LRRC36: variants seen among roughly 807,000 people sequenced by gnomAD.
LRRC36 encodes leucine-rich repeat-containing protein 36.
In LRRC36, 62 loss-of-function variants were observed where a neutral mutation model predicts 81.1. The observed-to-expected ratio is 0.76, with a 90% CI of 0.62 to 0.94. The LOEUF is 0.94. LRRC36 is among the 40% of genes least tolerant of loss of function. The pLI, the probability that LRRC36 is intolerant of heterozygous loss-of-function variation, is 0.00. For synonymous variants in LRRC36, 334 were observed against 348.6 expected (o/e 0.96, Z 0.47); for missense variants, 761 against 881.7 (o/e 0.86, Z 1.73).
At chr16:67,383,522 A>G (rs1269942939) in intron 13 of LRRC36, among the ~76,000 whole-genome samples, 1 of 152,238 alleles carries the variant, frequency 6.6e-6, no homozygotes, top group Non-Finnish European at 1.5e-5. Flanking sequence ...CTGCATTTCT[A>G]ATTAGCTTCT....
chr16:67,347,706 C>G (rs1286701192), intron 4 of LRRC36, 115 bp downstream of exon 4: 3 of 720,226 alleles, frequency 4.2e-6, no homozygotes, highest in Non-Finnish European at 6.9e-6. Flanking sequence ...TGTAAGAATC[C>G]TCAGATCAGG....
intron 1 of LRRC36, among the ~76,000 whole-genome samples, chr16:67,332,279 C>T: frequency 6.6e-6 from 1 of 151,708 alleles, no homozygotes; most frequent in South Asian, 2.1e-4. Context: ...AACGGCCAGG[C>T]GCGGTGGCTT....
intron 5 of LRRC36, 29 bp downstream of exon 5, chr16:67,350,319 G>A: frequency 6.5e-7 from 1 of 1,535,864 alleles, no homozygotes; most frequent in South Asian, 1.1e-5. Flanking sequence ...ATTATAAAAT[G>A]ATTAAAACAT....
intron 9 of LRRC36, 120 bp from the exon 10 acceptor site, chr16:67,375,127 C>CAA: frequency 8.9e-7 from 1 of 1,127,428 alleles, no homozygotes; most frequent in Non-Finnish European, 1.3e-6. Flanking sequence ...ACTCCGTCTC[C>CAA]AAAAAAAAAT....
chr16:67,371,438 T>C, intron 9 of LRRC36, 196 bp downstream of exon 9: 1 of 622,486 alleles, frequency 1.6e-6, no homozygotes, highest in African/African-American at 1.8e-5. Flanking sequence ...CCCCCACTGC[T>C]GCCATTTTCT....
At position 67,340,820 on chromosome 16, in the gene LRRC36, C is replaced by T. The variant is rs868139893; in HGVS notation, c.71-1137C>T. ...CACATATACTCTATAGAATATATAC[C>T]ACATATACTCTATAGAATATATACC... On this transcript the variant is annotated intron_variant, in intron 1 of 13. Transcript: ENST00000329956. Among the ~76,000 whole-genome samples the T allele has an allele frequency of 1.2e-3, 124 of 102,738 alleles. 30 individuals carry two copies. Among genetic ancestry groups the T allele is most frequent in the African/African-American group, 7.6e-3 (124 of 16,226 alleles). 67.4% of individuals were successfully genotyped at this position (102,738 alleles called of 152,430 possible).
intron 5 of LRRC36, among the ~76,000 whole-genome samples, chr16:67,361,095 G>A (rs973823354): frequency 6.6e-6 from 1 of 152,078 alleles, no homozygotes; most frequent in African/African-American, 2.4e-5. Flanking sequence ...CTGGAGTGCA[G>A]TGGCACAATC....
intron 9 of LRRC36, chr16:67,371,811 G>T (rs2039656589): frequency 6.2e-6 from 1 of 161,034 alleles, no homozygotes; most frequent in Non-Finnish European, 1.4e-5. Flanking sequence ...AGGAGGTGGA[G>T]GTTGCAGTGA....
At chr16:67,353,443 G>A (rs1349288111) in intron 5 of LRRC36, among the ~76,000 whole-genome samples, 1 of 152,118 alleles carries the variant, frequency 6.6e-6, no homozygotes, top group African/African-American at 2.4e-5. Context: ...CTGGAGTACA[G>A]TGGCGAGATC....
chr16:67,361,548 A>G (rs969778563), intron 5 of LRRC36, among the ~76,000 whole-genome samples: 1 of 152,162 alleles, frequency 6.6e-6, no homozygotes, highest in African/African-American at 2.4e-5. Flanking sequence ...AGAATTTGAA[A>G]GGTGAACTGC....
intron 1 of LRRC36, 185 bp downstream of exon 1, chr16:67,327,117 T>G (rs2037222570): frequency 3.9e-6 from 2 of 515,602 alleles, no homozygotes; most frequent in Non-Finnish European, 3.3e-6. Flanking sequence ...GTGGAGGAAC[T>G]GAAGTAACGG....
At chr16:67,334,780 G>A (rs550470582) in intron 1 of LRRC36, among the ~76,000 whole-genome samples, 1 of 152,040 alleles carries the variant, frequency 6.6e-6, no homozygotes, top group East Asian at 1.9e-4. Flanking sequence ...TTCCCTAAGT[G>A]TCGGCCGGCC....
At chr16:67,339,909 A>G (rs1478358387) in intron 1 of LRRC36, among the ~76,000 whole-genome samples, 4 of 151,950 alleles carry the variant, frequency 2.6e-5, no homozygotes, top group Admixed American at 1.3e-4. Context: ...TTGGGAGGCC[A>G]AGTCAGGTGG....
intron 6 of LRRC36, among the ~76,000 whole-genome samples, chr16:67,364,311 G>A (rs1014218191): frequency 2.6e-5 from 4 of 152,186 alleles, no homozygotes; most frequent in Non-Finnish European, 5.9e-5. Flanking sequence ...GTTTGTGTGA[G>A]TGAATATGAT....
At chr16:67,358,599 C>T (rs374208145) in intron 5 of LRRC36, among the ~76,000 whole-genome samples, 1 of 151,554 alleles carries the variant, frequency 6.6e-6, no homozygotes, top group Non-Finnish European at 1.5e-5. Flanking sequence ...GCGACCCTCA[C>T]ACCTTGGCCT....
At position 67,367,230 on chromosome 16, in the gene LRRC36, A is replaced by G. The variant is rs547873274; in HGVS notation, c.968A>G (p.Gln323Arg). The G allele has an allele frequency of 9.3e-5, 150 of 1,614,196 alleles. 1 individual carries two copies. In the South Asian group the frequency reaches 1.3e-3, roughly 14 times the overall value. The change falls in exon 8 of 14, where the codon CAG becomes CGG. Residue 323 changes from glutamine (Q) to arginine (R), a missense_variant. This residue lies in a region of LRRC36 where 139 missense variants were observed against 214.0 expected (regional missense o/e 0.65). Transcript: ENST00000329956. ...VGDSSQIHPYQLPSDVGLENY... is the reference protein window; with the variant it reads ...VGDSSQIHPYRLPSDVGLENY... ...GATTCTAGCCAGATCCATCCCTATC[A>G]GTTACCTTCAGATGTTGGTCTGGAA...
At position 67,342,040 on chromosome 16, in the gene LRRC36, C is replaced by T. The variant is rs745929199; in HGVS notation, c.154C>T (p.Leu52Phe). The change falls in exon 2 of 14, where the codon CTC becomes TTC. Residue 52 changes from leucine to phenylalanine, a missense_variant. Coordinates refer to ENST00000329956, the MANE Select transcript of LRRC36 (RefSeq NM_018296.6). Reference protein sequence around the residue: ...IGDAFRNFKNLRSLDLSRNLI... With the variant: ...IGDAFRNFKNFRSLDLSRNLI... ...TGATGCCTTCAGAAATTTTAAAAATCTCCGATCCTTAGATTTATCAAGGAA... is the reference window on the plus strand; with the variant it reads ...TGATGCCTTCAGAAATTTTAAAAATTTCCGATCCTTAGATTTATCAAGGAA... 1.2e-5 allele frequency: 20 copies of T among 1,610,886 alleles called. No individual in the cohort carries two copies. Among genetic ancestry groups the T allele is most frequent in the Non-Finnish European group, 1.7e-5 (20 of 1,177,668 alleles).
intron 9 of LRRC36, 126 bp from the exon 10 acceptor site, chr16:67,375,121 C>T (rs1214287618): frequency 1.8e-5 from 18 of 1,027,564 alleles, no homozygotes; most frequent in Admixed American, 2.2e-5. Flanking sequence ...AGCGAGACTC[C>T]GTCTCCAAAA....
intron 9 of LRRC36, among the ~76,000 whole-genome samples, chr16:67,372,291 A>C (rs992100348): frequency 6.6e-6 from 1 of 151,606 alleles, no homozygotes; most frequent in Non-Finnish European, 1.5e-5. Context: ...TGGGAGGCGG[A>C]GGTTGTGGTG....
Sources: gnomAD v4.1 joint callset for allele counts (sites outside exome capture counted in the v4.1 genomes callset) on GRCh38, gnomAD v4.1.1 for gene constraint, gnomAD v4.1.1 regional missense constraint, MANE v1.5 for transcripts, NCBI Gene and HGNC (gene_info 2026-07-23, HGNC 2026-07-21) for gene names.